The following HIBADH variants were observed in gnomAD, a reference collection of about 807,000 sequenced individuals.
The protein encoded by HIBADH is 3-hydroxyisobutyrate dehydrogenase, mitochondrial.
In HIBADH, 25 loss-of-function variants were observed where a neutral mutation model predicts 36.1. The observed-to-expected ratio is 0.69, with a 90% CI of 0.50 to 0.97. The LOEUF (loss-of-function observed/expected upper bound fraction) is 0.97, where lower values mean the gene tolerates loss of function less well. Among genes scored for constraint, HIBADH ranks in the 50% least tolerant of loss-of-function variants. The pLI, the probability that HIBADH is intolerant of heterozygous loss-of-function variation, is 0.00. For synonymous variants in HIBADH, 160 were observed against 149.5 expected, an observed-to-expected ratio of 1.07 and a Z score of -0.51; for missense variants, 421 against 418.0, an observed-to-expected ratio of 1.01 and a Z score of -0.06.
intron 4 of HIBADH, among the ~76,000 whole-genome samples, chr7:27,558,973 T>C (rs1416630783): frequency 6.6e-6 from 1 of 152,126 alleles, no homozygotes; most frequent in Non-Finnish European, 1.5e-5. Context: ...ACAACAGAAA[T>C]TTACTGTCTG....
At chr7:27,586,949 C>T (rs1321011457) in intron 4 of HIBADH, among the ~76,000 whole-genome samples, 2 of 152,240 alleles carry the variant, frequency 1.3e-5, no homozygotes, top group African/African-American at 4.8e-5. Context: ...GGTCCAGCTG[C>T]CAGTCTGGGC....
At chr7:27,570,941 T>C (rs1337649568) in intron 4 of HIBADH, among the ~76,000 whole-genome samples, 1 of 152,220 alleles carries the variant, frequency 6.6e-6, no homozygotes, top group Admixed American at 6.5e-5. Flanking sequence ...GATATCATCA[T>C]GTTGACCACT....
intron 4 of HIBADH, among the ~76,000 whole-genome samples, chr7:27,611,422 T>C (rs538524737): frequency 4.6e-5 from 7 of 152,332 alleles, no homozygotes; most frequent in African/African-American, 1.4e-4. Flanking sequence ...TTGCTGTATG[T>C]CTAGCATTCA....
chr7:27,575,092 AATT>A (rs1463526435), intron 4 of HIBADH, among the ~76,000 whole-genome samples: 11 of 152,220 alleles, frequency 7.2e-5, no homozygotes, highest in African/African-American at 2.7e-4. Flanking sequence ...AGCATTATAA[AATT>A]ATTTTACTTT....
rs116036320 is a variant in HIBADH, at chr7:27,593,278, G to A, written c.484+36093C>T. Among the ~76,000 whole-genome samples the A allele has an allele frequency of 8.9e-3, 1,357 of 152,170 alleles. 20 individuals are homozygous for A. Among genetic ancestry groups the A allele is most frequent in the African/African-American group, 0.031 (1,288 of 41,502 alleles). On this transcript the variant is annotated intron_variant, in intron 4 of 7. Coordinates refer to ENST00000265395, the MANE Select transcript of HIBADH (RefSeq NM_152740.4). ...ATTTTCAAACTAGGGATGCTCATCC[G>A]GGTATGTATTCTGCAAACACTCCAA...
chr7:27,528,631 G>A (rs1783948151), intron 7 of HIBADH, among the ~76,000 whole-genome samples: 1 of 152,206 alleles, frequency 6.6e-6, no homozygotes, highest in Non-Finnish European at 1.5e-5. Flanking sequence ...TGCAGAAGAC[G>A]TGTGAAGCTA....
intron 4 of HIBADH, among the ~76,000 whole-genome samples, chr7:27,561,234 T>C (rs1784462540): frequency 6.6e-6 from 1 of 152,178 alleles, no homozygotes; most frequent in Non-Finnish European, 1.5e-5. Context: ...ATACTCACCT[T>C]GCCCCTTATA....
At chr7:27,642,060 G>A (rs150527293) in intron 2 of HIBADH, among the ~76,000 whole-genome samples, 22 of 152,226 alleles carry the variant, frequency 1.4e-4, no homozygotes, top group South Asian at 1.2e-3. Context: ...CTAAGTCTTC[G>A]CTATTATTCA....
intron 1 of HIBADH, among the ~76,000 whole-genome samples, chr7:27,653,912 G>A (rs2128297586): frequency 6.6e-6 from 1 of 152,208 alleles, no homozygotes; most frequent in African/African-American, 2.4e-5. Flanking sequence ...GAAGCCCAAG[G>A]GAACGTGTAT....
intron 2 of HIBADH, among the ~76,000 whole-genome samples, chr7:27,634,682 C>T (rs984258474): frequency 2.6e-5 from 4 of 152,212 alleles, no homozygotes; most frequent in African/African-American, 9.6e-5. Flanking sequence ...TTAATTTCAA[C>T]TCTCTCTTAG....
intron 4 of HIBADH, among the ~76,000 whole-genome samples, chr7:27,563,812 C>T (rs1318006659): frequency 1.3e-5 from 2 of 152,004 alleles, no homozygotes. Context: ...TTTGGTTGAA[C>T]ATGTAGTTTG....
At chr7:27,562,874 T>G (rs531176791) in intron 4 of HIBADH, among the ~76,000 whole-genome samples, 1 of 152,376 alleles carries the variant, frequency 6.6e-6, no homozygotes, top group African/African-American at 2.4e-5. Context: ...CAGTCTTTGT[T>G]TACTGAAAAT....
intron 2 of HIBADH, among the ~76,000 whole-genome samples, chr7:27,637,275 T>C (rs894969641): frequency 2.0e-5 from 3 of 152,210 alleles, no homozygotes; most frequent in African/African-American, 7.2e-5. Flanking sequence ...ATGGCAGAGC[T>C]GAGATGTGAG....
At chr7:27,645,013 T>A (rs1196811950) in intron 2 of HIBADH, among the ~76,000 whole-genome samples, 1 of 152,222 alleles carries the variant, frequency 6.6e-6, no homozygotes, top group Non-Finnish European at 1.5e-5. Flanking sequence ...TATTACTGAA[T>A]AATCATCATT....
At chr7:27,654,151 T>C (rs1786251435) in intron 1 of HIBADH, among the ~76,000 whole-genome samples, 1 of 152,002 alleles carries the variant, frequency 6.6e-6, no homozygotes, top group Admixed American at 6.6e-5. Flanking sequence ...AAAGGAAAGA[T>C]TAATAACCTT....
At chr7:27,564,998 C>A (rs1711568484) in intron 4 of HIBADH, among the ~76,000 whole-genome samples, 1 of 152,160 alleles carries the variant, frequency 6.6e-6, no homozygotes, top group African/African-American at 2.4e-5. Context: ...CCTCCCAGGG[C>A]TAATCAATTC....
rs1358079659 is a variant in HIBADH, at chr7:27,548,418, T to C, written c.485-5318A>G. On this transcript the variant is annotated intron_variant, in intron 4 of 7. Transcript: ENST00000265395. ...GGAGGGAGAAGTTGGAGAATGGAGG[T>C]GGGGGAAGGGATAAGGAAAATACAT... 3.3e-5 allele frequency among the ~76,000 whole-genome samples: 5 copies of C among 151,066 alleles called. No individual in the cohort carries two copies. In the East Asian group the frequency reaches 9.7e-4, roughly 29 times the overall value.
At chr7:27,616,686 T>C (rs917365100) in intron 4 of HIBADH, among the ~76,000 whole-genome samples, 4 of 152,264 alleles carry the variant, frequency 2.6e-5, no homozygotes, top group Admixed American at 1.3e-4. Context: ...GGTCTTGAAC[T>C]TCCGGGCTCA....
intron 7 of HIBADH, among the ~76,000 whole-genome samples, chr7:27,529,734 T>C (rs896948067): frequency 6.6e-6 from 1 of 152,346 alleles, no homozygotes; most frequent in African/African-American, 2.4e-5. Context: ...TTTGAGAGGA[T>C]TGCCTCCGTT....
Sources: gnomAD v4.1 joint callset for allele counts (sites outside exome capture counted in the v4.1 genomes callset) on GRCh38, gnomAD v4.1.1 for gene constraint, MANE v1.5 for transcripts, NCBI Gene and HGNC (gene_info 2026-07-23, HGNC 2026-07-21) for gene names.